The following RBFOX1 variants were observed in gnomAD, a reference collection of about 807,000 sequenced individuals.
RBFOX1 encodes the protein RNA binding protein fox-1 homolog 1.
In RBFOX1, 8 loss-of-function variants were observed where a neutral mutation model predicts 57.7. That is an observed-to-expected ratio of 0.14 (90% CI 0.08 to 0.25). The LOEUF is 0.25. Ranked by LOEUF, RBFOX1 falls within the 10% of genes least tolerant of loss-of-function variation. RBFOX1 has a pLI of 1.00. For missense variants in RBFOX1, 611 were observed against 548.5 expected (o/e 1.11, Z -1.14); for synonymous variants, 326 against 222.4 (o/e 1.47, Z -4.15).
chr16:5,737,913 T>A lies in RBFOX1; in HGVS notation c.319-129390T>A, dbSNP rs1439629642. ...AGACACATGTGCAGAACGTGCAGGT[T>A]TGTTACATAGGTACACATGTGCCAC... is the stretch of plus-strand genomic sequence containing the variant. On this transcript the variant is annotated intron_variant, in intron 3 of 19. Coordinates refer to the RBFOX1 transcript ENST00000641259. Among the ~76,000 whole-genome samples the A allele has an allele frequency of 1.3e-5, 2 of 152,234 alleles. 1 individual carries two copies. The highest frequency in any genetic ancestry group is 2.9e-5 in the Non-Finnish European group (2 of 68,040).
At chr16:5,694,727 C>T (rs112994511) in intron 3 of RBFOX1, among the ~76,000 whole-genome samples, 30 of 151,816 alleles carry the variant, frequency 2.0e-4, no homozygotes, top group African/African-American at 5.1e-4. Flanking sequence ...CCACTCACAG[C>T]CCCCAACCCC....
chr16:6,009,802 A>C (rs58419289), intron 4 of RBFOX1, among the ~76,000 whole-genome samples: 20 of 58,596 alleles, frequency 3.4e-4, no homozygotes, highest in South Asian at 2.7e-3. Flanking sequence ...CAGTGTGTGT[A>C]TGTGTGTGTG....
chr16:6,844,024 C>A (rs1039539753), intron 3 of RBFOX1, among the ~76,000 whole-genome samples: 1 of 152,116 alleles, frequency 6.6e-6, no homozygotes, highest in South Asian at 2.1e-4. Context: ...GAACCTTTTC[C>A]CAACAATCCA....
intron 2 of RBFOX1, among the ~76,000 whole-genome samples, chr16:6,451,611 A>G (rs1023381797): frequency 6.6e-6 from 1 of 152,102 alleles, no homozygotes; most frequent in African/African-American, 2.4e-5. Flanking sequence ...TCTCTAACTT[A>G]GATACTTCCT....
chr16:7,381,517 A>G (rs866092286), intron 4 of RBFOX1, among the ~76,000 whole-genome samples: 1 of 142,468 alleles, frequency 7.0e-6, no homozygotes, highest in Non-Finnish European at 1.5e-5. Flanking sequence ...TTTTTTTTTT[A>G]TTTTATTAAC....
intron 1 of RBFOX1, among the ~76,000 whole-genome samples, chr16:5,426,963 A>G (rs1272856170): frequency 1.3e-5 from 2 of 152,212 alleles, no homozygotes; most frequent in Non-Finnish European, 2.9e-5. Flanking sequence ...TGGTAAAGGC[A>G]GGGTTCAAAT....
intron 3 of RBFOX1, among the ~76,000 whole-genome samples, chr16:6,953,303 C>T (rs563706678): frequency 2.0e-5 from 3 of 152,106 alleles, no homozygotes; most frequent in Non-Finnish European, 4.4e-5. Flanking sequence ...TACTCTGAAA[C>T]AGAAGATTTA....
At chr16:7,570,009 A>G (rs1212662442) in intron 5 of RBFOX1, among the ~76,000 whole-genome samples, 1 of 152,196 alleles carries the variant, frequency 6.6e-6, no homozygotes, top group Non-Finnish European at 1.5e-5. Flanking sequence ...AAGTATTTCC[A>G]ATGACAATTC....
At chr16:5,240,785 C>T (rs1313311296) in intron 1 of RBFOX1, among the ~76,000 whole-genome samples, 1 of 152,126 alleles carries the variant, frequency 6.6e-6, no homozygotes, top group Admixed American at 6.5e-5. Flanking sequence ...TGACCGGGCC[C>T]GTGTGCGTGG....
chr16:6,195,703 G>C (rs1327882253), intron 1 of RBFOX1, among the ~76,000 whole-genome samples: 3 of 151,610 alleles, frequency 2.0e-5, no homozygotes, highest in Non-Finnish European at 1.5e-5. Flanking sequence ...TGGGAAACAA[G>C]GGAGAAACTC....
chr16:5,306,746 T>C (rs999802584), intron 1 of RBFOX1, among the ~76,000 whole-genome samples: 1 of 152,198 alleles, frequency 6.6e-6, no homozygotes. Context: ...CCCGGATCAC[T>C]TTATGCCTTT....
intron 2 of RBFOX1, among the ~76,000 whole-genome samples, chr16:6,607,417 CCTCT>C (rs58726712): frequency 4.4e-4 from 63 of 144,006 alleles, no homozygotes; most frequent in Admixed American, 9.1e-4. Flanking sequence ...CAGTCTCTCT[CCTCT>C]CTCTCTCTCT....
At chr16:6,662,574 C>T (rs756678668) in intron 3 of RBFOX1, among the ~76,000 whole-genome samples, 4 of 151,868 alleles carry the variant, frequency 2.6e-5, no homozygotes, top group East Asian at 1.9e-4. Context: ...TATCAAATCA[C>T]GTAGTAGGGA....
intron 3 of RBFOX1, among the ~76,000 whole-genome samples, chr16:5,615,746 C>A (rs566696373): frequency 6.6e-6 from 1 of 152,144 alleles, no homozygotes; most frequent in Non-Finnish European, 1.5e-5. Flanking sequence ...ACTTGGGGGA[C>A]CCCGTTAGGA....
intron 3 of RBFOX1, among the ~76,000 whole-genome samples, chr16:6,663,981 C>G (rs1475845279): frequency 6.6e-6 from 1 of 152,146 alleles, no homozygotes; most frequent in Non-Finnish European, 1.5e-5. Context: ...AACCTTTTGA[C>G]CAGGAAGAGT....
chr16:7,109,655 G>A lies in RBFOX1; in HGVS notation c.27+57557G>A, dbSNP rs368279620. Among the ~76,000 whole-genome samples, 62 of 152,238 alleles carry A rather than the reference G, an allele frequency of 4.1e-4. No homozygotes were observed. The South Asian group carries it at 0.012, about 30-fold the overall frequency. ...TAAGAGTAGAGACATCCATATAGGC[G>A]CAGATAGTCCTCCTTTATTTAAATA... On this transcript the variant is annotated intron_variant, in intron 4 of 15. Transcript: ENST00000550418.
At chr16:5,275,271 C>T (rs142482855) in intron 1 of RBFOX1, among the ~76,000 whole-genome samples, 1 of 152,228 alleles carries the variant, frequency 6.6e-6, no homozygotes, top group East Asian at 1.9e-4. Context: ...ATATTGATCA[C>T]CTCAAACATT....
chr16:7,409,257 G>C (rs1258055969), intron 4 of RBFOX1, among the ~76,000 whole-genome samples: 1 of 152,172 alleles, frequency 6.6e-6, no homozygotes, highest in African/African-American at 2.4e-5. Flanking sequence ...TGTCAACCCT[G>C]TTAGAGGAGC....
At chr16:7,267,537 A>G (rs917935792) in intron 4 of RBFOX1, among the ~76,000 whole-genome samples, 3 of 151,770 alleles carry the variant, frequency 2.0e-5, no homozygotes, top group Non-Finnish European at 4.4e-5. Context: ...CTCTATCTCG[A>G]CAAAAAATTT....
Sources: allele counts gnomAD v4.1 joint callset (sites outside exome capture counted in the v4.1 genomes callset), GRCh38; gene constraint gnomAD v4.1.1; transcripts MANE v1.5; gene names NCBI Gene and HGNC (gene_info 2026-07-23, HGNC 2026-07-21).